The following ASIC2 variants were observed in gnomAD, a reference collection of about 807,000 sequenced individuals.
ASIC2 encodes the protein acid-sensing ion channel 2.
ASIC2 carries 25 observed loss-of-function variants against 57.3 expected under a neutral mutation model. The ratio of observed to expected loss-of-function variants is 0.44; its 90% CI spans 0.32 to 0.61. The LOEUF is 0.61. Among genes scored for constraint, ASIC2 ranks in the 20% least tolerant of loss-of-function variants. ASIC2 has a pLI of 0.06. For synonymous variants in ASIC2, 319 were observed against 307.5 expected, an observed-to-expected ratio of 1.04 and a Z score of -0.39; for missense variants, 641 against 738.1, an observed-to-expected ratio of 0.87 and a Z score of 1.52.
At chr17:33,731,864 A>G (rs1909753972) in intron 1 of ASIC2, among the ~76,000 whole-genome samples, 1 of 152,182 alleles carries the variant, frequency 6.6e-6, no homozygotes, top group South Asian at 2.1e-4. Context: ...ACAGCCTATA[A>G]AACAAGGATA....
intron 1 of ASIC2, among the ~76,000 whole-genome samples, chr17:33,815,403 A>G (rs1912546529): frequency 1.3e-5 from 2 of 152,324 alleles, no homozygotes; most frequent in East Asian, 1.9e-4. Context: ...AGCACTGCTC[A>G]TGAAAACCCT....
At chr17:33,853,781 T>C (rs1272678089) in intron 1 of ASIC2, among the ~76,000 whole-genome samples, 1 of 152,180 alleles carries the variant, frequency 6.6e-6, no homozygotes, top group Non-Finnish European at 1.5e-5. Context: ...GGATGTTCAT[T>C]AAACGCTGAT....
At chr17:34,141,846 A>G (rs1436925135) in intron 1 of ASIC2, among the ~76,000 whole-genome samples, 1 of 152,228 alleles carries the variant, frequency 6.6e-6, no homozygotes, top group African/African-American at 2.4e-5. Context: ...CATAGCCTCC[A>G]AGAAATGGTG....
intron 1 of ASIC2, among the ~76,000 whole-genome samples, chr17:33,790,537 C>T (rs1911740471): frequency 6.6e-6 from 1 of 152,158 alleles, no homozygotes; most frequent in Admixed American, 6.5e-5. Context: ...CTCATTCTCA[C>T]TTTCATTTAC....
chr17:33,865,760 AAAAAAAAAAAAC>A (rs759865129), intron 1 of ASIC2, among the ~76,000 whole-genome samples: 36,662 of 87,170 alleles, frequency 0.42, 4,697 homozygotes, highest in Admixed American at 0.46. Context: ...AAAAAAAAAT[AAAAAAAAAAAAC>A]AAAAAAAAAA....
At chr17:33,675,642 G>A (rs1907795705) in intron 1 of ASIC2, among the ~76,000 whole-genome samples, 1 of 152,156 alleles carries the variant, frequency 6.6e-6, no homozygotes, top group South Asian at 2.1e-4. Context: ...TGCAATCAAG[G>A]CTCACTGCAA....
intron 1 of ASIC2, among the ~76,000 whole-genome samples, chr17:33,359,704 C>T (rs1260167822): frequency 1.3e-5 from 2 of 152,184 alleles, no homozygotes; most frequent in East Asian, 3.9e-4. Context: ...AGCAAAGTTC[C>T]TTAAAGGGCA....
chr17:33,335,814 G>A (rs541529430), intron 1 of ASIC2, among the ~76,000 whole-genome samples: 2 of 152,288 alleles, frequency 1.3e-5, no homozygotes, highest in African/African-American at 4.8e-5. Flanking sequence ...AGTACTTGGG[G>A]CCACAAGGGT....
At position 33,525,951 on chromosome 17, in the gene ASIC2, G is replaced by A. The variant is rs141181286; in HGVS notation, c.556-413884C>T. On this transcript the variant is annotated intron_variant, in intron 1 of 9. Transcript: ENST00000359872. The stretch of plus-strand genomic sequence containing the variant: ...TAGGCTGTAAGTTATCTTTCCACTC[G>A]TGGGTATCTTCTTGTCCTAGGTCAA... 4.0e-3 allele frequency among the ~76,000 whole-genome samples: 607 copies of A among 152,178 alleles called. 3 individuals carry two copies. Among genetic ancestry groups the A allele is most frequent in the African/African-American group, 0.014 (581 of 41,502 alleles).
intron 1 of ASIC2, among the ~76,000 whole-genome samples, chr17:33,388,242 C>T (rs957766518): frequency 2.6e-5 from 4 of 152,238 alleles, no homozygotes; most frequent in African/African-American, 7.2e-5. Flanking sequence ...GGCGTGGAAT[C>T]GACTCTTCCC....
intron 1 of ASIC2, among the ~76,000 whole-genome samples, chr17:33,371,256 G>A (rs747205457): frequency 1.3e-5 from 2 of 152,156 alleles, no homozygotes; most frequent in Non-Finnish European, 2.9e-5. Flanking sequence ...TAGAGGCTAG[G>A]AATAGCTAAC....
At chr17:33,300,332 C>T (rs1474611958) in intron 1 of ASIC2, among the ~76,000 whole-genome samples, 1 of 151,124 alleles carries the variant, frequency 6.6e-6, no homozygotes, top group Non-Finnish European at 1.5e-5. Flanking sequence ...GTATTTTCAG[C>T]TAGTTTATGG....
intron 1 of ASIC2, among the ~76,000 whole-genome samples, chr17:33,634,529 T>C (rs1906284187): frequency 6.8e-6 from 1 of 147,854 alleles, no homozygotes; most frequent in Admixed American, 6.7e-5. Context: ...TTTTTTTTTT[T>C]TTTTGAGACA....
chr17:33,286,337 A>C (rs1398442629), intron 1 of ASIC2, among the ~76,000 whole-genome samples: 1 of 152,154 alleles, frequency 6.6e-6, no homozygotes, highest in Non-Finnish European at 1.5e-5. Flanking sequence ...CTTCTCATAG[A>C]GTTAGGAACA....
At chr17:33,217,945 C>G (rs1315434701) in intron 1 of ASIC2, among the ~76,000 whole-genome samples, 2 of 152,196 alleles carry the variant, frequency 1.3e-5, no homozygotes, top group East Asian at 3.8e-4. Flanking sequence ...CCCAAAATGA[C>G]AGGTCCAGCT....
At chr17:33,138,726 G>T (rs1369781697) in intron 1 of ASIC2, among the ~76,000 whole-genome samples, 1 of 149,786 alleles carries the variant, frequency 6.7e-6, no homozygotes, top group Admixed American at 6.6e-5. Flanking sequence ...TAATATTTTT[G>T]ATTTTTAGAC....
intron 1 of ASIC2, among the ~76,000 whole-genome samples, chr17:33,242,650 G>C (rs368714226): frequency 1.3e-5 from 2 of 152,282 alleles, no homozygotes; most frequent in African/African-American, 2.4e-5. Context: ...ACATTCATGA[G>C]AGTAATCCCG....
chr17:33,766,069 G>T lies in ASIC2; in HGVS notation c.555+389909C>A, dbSNP rs115043864. 9.0e-3 allele frequency among the ~76,000 whole-genome samples: 1,363 copies of T among 152,214 alleles called. 17 individuals carry two copies. The highest frequency in any genetic ancestry group is 0.031 in the African/African-American group (1,298 of 41,528). On this transcript the variant is annotated intron_variant, in intron 1 of 9. Transcript: ENST00000359872. Reference sequence around the variant, plus strand: ...ATATAATGGTCCCTCTTTATTGGAGGTTTTGCTTTCTATGGTTTTGGTTAC... The same window carrying T: ...ATATAATGGTCCCTCTTTATTGGAGTTTTTGCTTTCTATGGTTTTGGTTAC...
At chr17:33,681,572 A>C (rs1908002042) in intron 1 of ASIC2, among the ~76,000 whole-genome samples, 2 of 152,282 alleles carry the variant, frequency 1.3e-5, no homozygotes, top group African/African-American at 4.8e-5. Flanking sequence ...ATAATTTTCC[A>C]ATGATGCCCA....
Sources: allele counts gnomAD v4.1 joint callset (sites outside exome capture counted in the v4.1 genomes callset), GRCh38; gene constraint gnomAD v4.1.1; transcripts MANE v1.5; gene names NCBI Gene and HGNC (gene_info 2026-07-23, HGNC 2026-07-21).